Variants in NAV2 observed in about 807,000 individuals in gnomAD.
The protein encoded by NAV2 is helicase, APC down-regulated 1.
Under a neutral mutation model 223.2 loss-of-function variants are expected in NAV2, and 54 were observed. The observed-to-expected ratio is 0.24, with a 90% CI of 0.19 to 0.30. The LOEUF (loss-of-function observed/expected upper bound fraction) is 0.30, where lower values mean the gene tolerates loss of function less well. NAV2 is among the 10% of genes least tolerant of loss of function. NAV2 has a pLI of 1.00. For synonymous variants in NAV2, 1,279 were observed against 1,239.3 expected (o/e 1.03, Z -0.67); for missense variants, 2,806 against 3,147.5 (o/e 0.89, Z 2.60).
At chr11:19,785,309 C>T (rs60030657) in intron 1 of NAV2, among the ~76,000 whole-genome samples, 3,256 of 152,292 alleles carry the variant, frequency 0.021, 98 homozygotes, top group African/African-American at 0.075. Context: ...TGCATCTGTC[C>T]TTAACCATCC....
chr11:19,674,208 C>G (rs748811787), intron 1 of NAV2, among the ~76,000 whole-genome samples: 1 of 152,194 alleles, frequency 6.6e-6, no homozygotes, highest in African/African-American at 2.4e-5. Context: ...TTGAAGCCGC[C>G]GTCTCCCTGA....
chr11:19,711,279 C>T (rs1443102281), upstream of NAV2: 1 of 152,150 alleles, frequency 6.6e-6, no homozygotes, highest in East Asian at 1.9e-4. Context: ...ACAAAAATAC[C>T]ATAAACAGGA....
intron 1 of NAV2, among the ~76,000 whole-genome samples, chr11:19,568,663 T>A (rs1321081351): frequency 1.3e-5 from 2 of 152,200 alleles, no homozygotes; most frequent in African/African-American, 2.4e-5. Flanking sequence ...TAGTCCCGGT[T>A]CTTTAGTCCC....
At chr11:19,345,283 G>A in the NAV2 span, among the ~76,000 whole-genome samples, 1 of 152,366 alleles carries the variant, frequency 6.6e-6, no homozygotes, top group South Asian at 2.1e-4. The surrounding 1 kb of genome is among the most constrained non-coding windows in gnomAD (Gnocchi z 5.2). Flanking sequence ...GCTGGAGGAG[G>A]CGGCTCCGCG....
chr11:20,095,879 C>T, intron 30 of NAV2, 112 bp downstream of exon 30: 6 of 766,828 alleles, frequency 7.8e-6, no homozygotes, highest in Non-Finnish European at 1.4e-5. Flanking sequence ...GACCTGTCCC[C>T]TTCCCTACAT....
intron 19 of NAV2, among the ~76,000 whole-genome samples, chr11:20,058,635 A>G (rs566784635): frequency 6.6e-6 from 1 of 152,200 alleles, no homozygotes; most frequent in South Asian, 2.1e-4. Context: ...TAATCAAGAA[A>G]GCTTGTATTG....
At chr11:19,745,650 A>T (rs2053272395) in intron 1 of NAV2, among the ~76,000 whole-genome samples, 1 of 152,156 alleles carries the variant, frequency 6.6e-6, no homozygotes, top group African/African-American at 2.4e-5. Flanking sequence ...ATGGACAGAG[A>T]TGCAGGATAT....
intron 1 of NAV2, among the ~76,000 whole-genome samples, chr11:19,476,046 C>T (rs942502729): frequency 6.6e-6 from 1 of 152,174 alleles, no homozygotes; most frequent in South Asian, 2.1e-4. Flanking sequence ...GGGATCTTGG[C>T]TCACTGTAAC....
At chr11:19,367,154 C>T (rs924362715) in intron 1 of NAV2, among the ~76,000 whole-genome samples, 1 of 152,198 alleles carries the variant, frequency 6.6e-6, no homozygotes, top group African/African-American at 2.4e-5. Flanking sequence ...TTCTCACAGC[C>T]TCTGAGCATT....
chr11:19,391,680 AG>A (rs1473293114), intron 1 of NAV2, among the ~76,000 whole-genome samples: 1 of 144,808 alleles, frequency 6.9e-6, no homozygotes, highest in Non-Finnish European at 1.5e-5. Flanking sequence ...GGTGTGGGGC[AG>A]TGGGGGAGGG....
intron 1 of NAV2, among the ~76,000 whole-genome samples, chr11:19,357,805 T>C (rs1339763265): frequency 6.6e-6 from 1 of 152,214 alleles, no homozygotes; most frequent in Non-Finnish European, 1.5e-5. Context: ...TTCGACTTCA[T>C]CTTTCCACAC....
intron 3 of NAV2, among the ~76,000 whole-genome samples, chr11:19,844,964 G>A (rs553538732): frequency 1.3e-5 from 2 of 152,218 alleles, no homozygotes; most frequent in South Asian, 4.1e-4. Context: ...TGTGAGTCCA[G>A]GAAAATGTGA....
intron 1 of NAV2, among the ~76,000 whole-genome samples, chr11:19,425,192 AG>A (rs1349275991): frequency 3.9e-5 from 6 of 152,340 alleles, no homozygotes; most frequent in Non-Finnish European, 7.3e-5. Flanking sequence ...TTATAGAAAA[AG>A]GTTAAGAAAG....
chr11:19,397,345 C>G (rs1849490943), intron 1 of NAV2, among the ~76,000 whole-genome samples: 1 of 151,654 alleles, frequency 6.6e-6, no homozygotes. Flanking sequence ...CGAGTCAGGA[C>G]TGGGTGACCA....
intron 3 of NAV2, among the ~76,000 whole-genome samples, chr11:19,864,003 G>C (rs139223135): frequency 6.6e-6 from 1 of 152,310 alleles, no homozygotes; most frequent in East Asian, 1.9e-4. Flanking sequence ...GTTGACATAT[G>C]AGTTTTATGA....
At position 19,840,748 on chromosome 11, in the gene NAV2, A is replaced by G. The variant is rs374945176; in HGVS notation, c.386-2123A>G. Reference sequence around the variant, plus strand: ...GAAGGATAGCTGCCTGAAAATAGGCAGCTATTCTTGATTCATCTCAATGTT... The same window carrying G: ...GAAGGATAGCTGCCTGAAAATAGGCGGCTATTCTTGATTCATCTCAATGTT... On this transcript the variant is annotated intron_variant, in intron 2 of 37. Coordinates refer to ENST00000349880, the MANE Select transcript of NAV2 (RefSeq NM_145117.5). Among the ~76,000 whole-genome samples the G allele has an allele frequency of 2.5e-3, 380 of 152,266 alleles. 1 individual carries two copies. Among genetic ancestry groups the G allele is most frequent in the African/African-American group, 8.8e-3 (367 of 41,556 alleles).
intron 1 of NAV2, among the ~76,000 whole-genome samples, chr11:19,572,632 A>G (rs1157143899): frequency 6.6e-6 from 1 of 152,228 alleles, no homozygotes; most frequent in African/African-American, 2.4e-5. Flanking sequence ...TAAGGTAGTT[A>G]CATGGTGGTC....
At chr11:19,539,289 G>A (rs1371252438) in intron 1 of NAV2, among the ~76,000 whole-genome samples, 5 of 152,102 alleles carry the variant, frequency 3.3e-5, no homozygotes, top group African/African-American at 4.8e-5. Context: ...TTGTCTACTC[G>A]TTTTCAAAAT....
chr11:19,572,293 T>TA lies in NAV2; in HGVS notation c.75+221269dup, dbSNP rs1421726438. 7.2e-5 allele frequency among the ~76,000 whole-genome samples: 11 copies of TA among 152,310 alleles called. No homozygotes were observed. The East Asian group carries it at 1.2e-3, about 16-fold the overall frequency. On this transcript the variant is annotated intron_variant, in intron 1 of 37. Coordinates refer to the NAV2 transcript ENST00000360655. ...TAAGATCAGGGACTGGAAGAGGCCT[T>TA]AAAGCCCTCCGTCCCTTCTTATTTG...
Sources: gnomAD v4.1 joint callset for allele counts (sites outside exome capture counted in the v4.1 genomes callset) on GRCh38, gnomAD v4.1.1 for gene constraint, Gnocchi (gnomAD v3.1) non-coding constraint, MANE v1.5 for transcripts, NCBI Gene and HGNC (gene_info 2026-07-23, HGNC 2026-07-21) for gene names.